Variants in PSD3 observed in about 807,000 individuals in gnomAD.
PSD3 encodes the protein PH and SEC7 domain-containing protein 3.
Under a neutral mutation model 105.5 loss-of-function variants are expected in PSD3, and 49 were observed. The ratio of observed to expected loss-of-function variants is 0.46; its 90% CI spans 0.37 to 0.59. The LOEUF is 0.59. Among genes scored for constraint, PSD3 ranks in the 20% least tolerant of loss-of-function variants. The probability of loss-of-function intolerance (pLI) is 0.00; values close to 1 mark genes in which losing one functional copy is unlikely to be tolerated. For missense variants in PSD3, 1,561 were observed against 1,263.8 expected (o/e 1.24, Z -3.57); for synonymous variants, 557 against 457.8 (o/e 1.22, Z -2.77).
chr8:18,783,068 G>A (rs1460332608), intron 8 of PSD3, among the ~76,000 whole-genome samples: 2 of 152,114 alleles, frequency 1.3e-5, no homozygotes, highest in African/African-American at 2.4e-5. Flanking sequence ...TAAAAAAACT[G>A]ATGTTAAAAC....
At chr8:19,046,408 C>A (rs1347848304) in intron 1 of PSD3, among the ~76,000 whole-genome samples, 1 of 152,108 alleles carries the variant, frequency 6.6e-6, no homozygotes, top group African/African-American at 2.4e-5. Flanking sequence ...CGTGCCTGGC[C>A]GGTAACTAGA....
chr8:18,970,339 A>AAAAAC (rs1232732063), intron 1 of PSD3, among the ~76,000 whole-genome samples: 5 of 149,928 alleles, frequency 3.3e-5, no homozygotes, highest in African/African-American at 1.2e-4. Flanking sequence ...AAAAAAAAAA[A>AAAAAC]AAAAAAAAAC....
intron 2 of PSD3, among the ~76,000 whole-genome samples, chr8:18,926,465 G>A (rs1248393313): frequency 3.3e-5 from 5 of 151,846 alleles, no homozygotes; most frequent in Non-Finnish European, 5.9e-5. Flanking sequence ...ACTCCTTCTG[G>A]TCCTAAGCAT....
intron 1 of PSD3, among the ~76,000 whole-genome samples, chr8:18,946,401 C>A (rs1387481543): frequency 3.3e-5 from 5 of 151,986 alleles, no homozygotes; most frequent in African/African-American, 1.2e-4. Context: ...TACAGCCAGA[C>A]CCCTGTCCAA....
rs538929539 is a variant in PSD3 at position 18,927,886 on chromosome 8, A to T, written c.130+8148T>A. 7.2e-5 allele frequency among the ~76,000 whole-genome samples: 11 copies of T among 152,306 alleles called. No homozygotes were observed. The South Asian group carries it at 2.3e-3, about 32-fold the overall frequency. ...ATATTTCACAATATCACACCCTCAT[A>T]CACTACTGGTGGGAATATAAAATTG... is the stretch of plus-strand genomic sequence containing the variant. On this transcript the variant is annotated intron_variant, in intron 2 of 15. Transcript: ENST00000327040.
intron 1 of PSD3, among the ~76,000 whole-genome samples, chr8:18,991,938 C>T (rs955084829): frequency 6.6e-6 from 1 of 152,184 alleles, no homozygotes; most frequent in Admixed American, 6.5e-5. Context: ...AACACTCCTA[C>T]GTAACAAGTT....
At chr8:18,896,832 CAG>C (rs1425919504) in intron 2 of PSD3, among the ~76,000 whole-genome samples, 4 of 151,750 alleles carry the variant, frequency 2.6e-5, no homozygotes, top group African/African-American at 9.7e-5. Flanking sequence ...TGTTTTGAGA[CAG>C]AGTTTTGCTC....
At chr8:18,613,849 A>G (rs1805456460) in intron 11 of PSD3, among the ~76,000 whole-genome samples, 1 of 152,208 alleles carries the variant, frequency 6.6e-6, no homozygotes, top group Non-Finnish European at 1.5e-5. Flanking sequence ...CCTGAAAAAC[A>G]GCTGAATTTC....
At chr8:18,969,966 C>T (rs1421495668) in intron 1 of PSD3, among the ~76,000 whole-genome samples, 1 of 152,072 alleles carries the variant, frequency 6.6e-6, no homozygotes, top group East Asian at 1.9e-4. Flanking sequence ...CCTGCTTGCA[C>T]AGTAAAATTA....
At chr8:18,805,197 A>G (rs1687304874) in intron 4 of PSD3, among the ~76,000 whole-genome samples, 1 of 152,236 alleles carries the variant, frequency 6.6e-6, no homozygotes, top group Non-Finnish European at 1.5e-5. Context: ...TTACCCTCGT[A>G]GTAATGAAAA....
intron 1 of PSD3, among the ~76,000 whole-genome samples, chr8:18,976,251 C>T (rs371712144): frequency 1.1e-4 from 16 of 152,052 alleles, no homozygotes; most frequent in African/African-American, 2.9e-4. Context: ...AATAAAACCA[C>T]GAAGACAGTT....
chr8:18,695,486 G>C (rs139437489), intron 9 of PSD3, among the ~76,000 whole-genome samples: 3 of 152,106 alleles, frequency 2.0e-5, no homozygotes, highest in East Asian at 1.9e-4. Flanking sequence ...ATAGAACTGT[G>C]GATAACTTTG....
At position 18,804,511 on chromosome 8, in the gene PSD3, CT is replaced by C; in HGVS notation, c.1910+10del. The C allele has an allele frequency of 6.3e-7, 1 of 1,587,350 alleles. No individual in the cohort carries two copies. Among genetic ancestry groups the C allele is most frequent in the Non-Finnish European group, 8.6e-7 (1 of 1,156,732 alleles). On this transcript the variant is annotated intron_variant, in intron 6 of 15. Transcript: ENST00000327040. Reference sequence around the variant, plus strand: ...AAAGCAATGACGAGCAGCAAGGAGGCTTAGTCATACCTGAGTGACTGATCCA... The same window carrying C: ...AAAGCAATGACGAGCAGCAAGGAGGCTAGTCATACCTGAGTGACTGATCCA...
chr8:18,800,632 CACAA>C (rs1396814090), intron 7 of PSD3, among the ~76,000 whole-genome samples: 5 of 152,250 alleles, frequency 3.3e-5, no homozygotes, highest in Middle Eastern at 3.4e-3. Context: ...AAGGTAGGTC[CACAA>C]ACAAACAGTT....
chr8:18,775,431 C>A (rs1807962569), intron 8 of PSD3, among the ~76,000 whole-genome samples: 1 of 152,166 alleles, frequency 6.6e-6, no homozygotes, highest in Admixed American at 6.5e-5. Flanking sequence ...AATGAGCATT[C>A]ACACTCTTTT....
At chr8:18,793,372 G>GA (rs112335496) in intron 8 of PSD3, among the ~76,000 whole-genome samples, 69,775 of 124,790 alleles carry the variant, frequency 0.56, 18,650 homozygotes, top group Non-Finnish European at 0.62. Context: ...TATCAAAATA[G>GA]AAAAAAAAAA....
chr8:18,998,464 G>T (rs529015999), intron 1 of PSD3, among the ~76,000 whole-genome samples: 1 of 152,028 alleles, frequency 6.6e-6, no homozygotes, highest in Non-Finnish European at 1.5e-5. Context: ...GAGGCGGGTG[G>T]ATCACAAGGT....
intron 9 of PSD3, among the ~76,000 whole-genome samples, chr8:18,722,313 T>G (rs1248781446): frequency 1.3e-5 from 2 of 152,150 alleles, no homozygotes; most frequent in African/African-American, 4.8e-5. Flanking sequence ...CACCCTTACC[T>G]TTGCTCAGTC....
chr8:18,608,643 T>G (rs924315131), intron 11 of PSD3, among the ~76,000 whole-genome samples: 2 of 152,196 alleles, frequency 1.3e-5, no homozygotes, highest in African/African-American at 4.8e-5. Flanking sequence ...CTGATTTTTG[T>G]AAAAGTGAAA....
Sources: allele counts gnomAD v4.1 joint callset (sites outside exome capture counted in the v4.1 genomes callset), GRCh38; gene constraint gnomAD v4.1.1; transcripts MANE v1.5; gene names NCBI Gene and HGNC (gene_info 2026-07-23, HGNC 2026-07-21).